The following C22orf42 variants were observed in gnomAD, a reference collection of about 807,000 sequenced individuals.
C22orf42 encodes uncharacterized protein C22orf42.
In C22orf42, 24 loss-of-function variants were observed where a neutral mutation model predicts 31.4. The ratio of observed to expected loss-of-function variants is 0.77; its 90% CI spans 0.55 to 1.08. The LOEUF (loss-of-function observed/expected upper bound fraction) is 1.08. C22orf42 is among the 50% of genes least tolerant of loss of function. The probability of loss-of-function intolerance (pLI) is 0.00; values close to 1 mark genes in which losing one functional copy is unlikely to be tolerated. For synonymous variants in C22orf42, 96 were observed against 112.7 expected (o/e 0.85, Z 0.94); for missense variants, 276 against 327.3 (o/e 0.84, Z 1.21).
In C22orf42 at chr22:32,150,479, T is replaced by C. The variant is rs557771058; in HGVS notation, c.494A>G (p.His165Arg). The C allele has an allele frequency of 1.2e-5, 20 of 1,613,972 alleles. No homozygotes were observed. The South Asian group carries it at 2.2e-4, about 18-fold the overall frequency. Residue 165 changes from histidine to arginine, a missense_variant and splice_region_variant, in exon 7 of 9, where the codon CAT (histidine) becomes CGT (arginine). Transcript: ENST00000382097. ...GCTTTCACTGAGATCTTCGACCAAA[T>C]CTAGGAGAACATAGTGACAGTCAGT... ...IEISEAKHDH[H>R]LVEDLSESLS...
upstream of C22orf42, chr22:32,159,532 A>G (rs1480699949): frequency 8.4e-7 from 1 of 1,195,200 alleles, no homozygotes; most frequent in East Asian, 4.7e-5. Context: ...TCCTGAGAAA[A>G]GTGCAGGGGT....
chr22:32,159,928 T>A (rs958281993), upstream of C22orf42: 1 of 152,252 alleles, frequency 6.6e-6, no homozygotes, highest in African/African-American at 2.4e-5. Flanking sequence ...TCTGTTTCTT[T>A]CTTCCATGGC....
chr22:32,152,333 G>A (rs1240733422), intron 3 of C22orf42, among the ~76,000 whole-genome samples: 1 of 152,142 alleles, frequency 6.6e-6, no homozygotes, highest in Non-Finnish European at 1.5e-5. Context: ...AGAAAAGGTT[G>A]CTACTGAGAA....
chr22:32,154,352 G>T, intron 1 of C22orf42, 34 bp from the exon 2 acceptor site: 1 of 1,605,096 alleles, frequency 6.2e-7, no homozygotes, highest in East Asian at 2.2e-5. Context: ...ATAGATTCTA[G>T]GAAATGTATT....
At chr22:32,151,188 G>GT (rs2094112645) in intron 5 of C22orf42, among the ~76,000 whole-genome samples, 169 bp from the exon 6 acceptor site, 1 of 151,918 alleles carries the variant, frequency 6.6e-6, no homozygotes, top group Non-Finnish European at 1.5e-5. Flanking sequence ...AATGCAGTGG[G>GT]TTTTTTGGAA....
chr22:32,159,571 G>T, upstream of C22orf42: 1 of 867,644 alleles, frequency 1.2e-6, no homozygotes, highest in Non-Finnish European at 1.4e-6. Context: ...GTCACCCTGG[G>T]CAATGAACTC....
At chr22:32,153,579 C>T (rs1386356337) in intron 2 of C22orf42, among the ~76,000 whole-genome samples, 1 of 152,098 alleles carries the variant, frequency 6.6e-6, no homozygotes, top group Non-Finnish European at 1.5e-5. Flanking sequence ...AATATCTTTT[C>T]AAAAAACTAA....
intron 6 of C22orf42, chr22:32,150,717 T>C (rs1296747066): frequency 1.6e-6 from 1 of 626,712 alleles, no homozygotes; most frequent in Admixed American, 2.9e-5. Flanking sequence ...ATAGTCACCT[T>C]AAGAACCAGT....
intron 1 of C22orf42, among the ~76,000 whole-genome samples, chr22:32,157,484 C>A (rs1033573381): frequency 6.1e-5 from 9 of 146,470 alleles, no homozygotes; most frequent in East Asian, 5.8e-4. Flanking sequence ...TTTCCCAAAA[C>A]AAGTTTGTTC....
chr22:32,150,562 G>T (rs1369238517), intron 6 of C22orf42, 83 bp from the exon 7 acceptor site: 3 of 1,446,794 alleles, frequency 2.1e-6, no homozygotes, highest in South Asian at 2.3e-5. Context: ...ACCAGGGCTG[G>T]ATCATGTGCA....
At position 32,149,380 on chromosome 22, in the gene C22orf42, A is replaced by T. The variant is rs1250575531; in HGVS notation, c.*160T>A. On this transcript the variant is annotated 3_prime_UTR_variant, in exon 9 of 9. Transcript: ENST00000382097. ...TGTAAGAACACCAGGCTGCAAGAGG[A>T]CTGGCTGCAGCCACAAACTGCAGGT... The T allele has an allele frequency of 1.1e-5, 9 of 825,366 alleles. No homozygotes were observed. The highest frequency in any genetic ancestry group is 1.5e-5 in the Non-Finnish European group (9 of 619,614). 51.1% of individuals were successfully genotyped at this position (825,366 alleles called of 1,614,324 possible).
chr22:32,156,100 C>T (rs1921245936), intron 1 of C22orf42, among the ~76,000 whole-genome samples: 1 of 152,168 alleles, frequency 6.6e-6, no homozygotes, highest in African/African-American at 2.4e-5. Context: ...TCTAATGTTA[C>T]TGTTTTAATC....
In C22orf42 at chr22:32,151,497, G is replaced by A. The variant is rs72502004; in HGVS notation, c.455C>T (p.Thr152Met). 4.9e-4 allele frequency: 790 copies of A among 1,613,524 alleles called. 4 individuals are homozygous for A. In the East Asian group the frequency reaches 7.6e-3, roughly 16 times the overall value. ...SAHGGVEENI[T>M]SDIEISEAKH... ...AGAAATACATCTTACAATATCTGAC[G>A]TTATATTCTCCTCCACACCGCCGTG... Residue 152 changes from threonine to methionine, a missense_variant, in exon 5 of 9, where the codon ACG becomes ATG. Coordinates refer to ENST00000382097, the MANE Select transcript of C22orf42 (RefSeq NM_001010859.3).
At chr22:32,159,486 C>T (rs187086456), upstream of C22orf42, 52 of 1,328,546 alleles carry the variant, frequency 3.9e-5, no homozygotes, top group Non-Finnish European at 4.8e-5. Flanking sequence ...TCTGTGGTGA[C>T]TGCATTATTC....
chr22:32,152,403 A>C (rs1402501035), intron 3 of C22orf42, among the ~76,000 whole-genome samples, 159 bp downstream of exon 3: 2 of 152,222 alleles, frequency 1.3e-5, no homozygotes, highest in Non-Finnish European at 2.9e-5. Flanking sequence ...ATCGTCAATC[A>C]GGCCTCAGTT....
intron 1 of C22orf42, among the ~76,000 whole-genome samples, chr22:32,155,335 A>C (rs1213743328): frequency 1.3e-5 from 2 of 152,130 alleles, no homozygotes; most frequent in African/African-American, 4.8e-5. Flanking sequence ...GACCCATAAG[A>C]CAAACATTTA....
Position 32,152,066 on chromosome 22 carries a change from C to A in C22orf42, c.400+1G>T, listed in dbSNP as rs139618788. On this transcript the variant is annotated splice_donor_variant, in intron 4 of 8. Transcript: ENST00000382097. LOFTEE classifies it high-confidence loss of function. The stretch of plus-strand genomic sequence containing the variant: ...AAGCTGTTTAAAAAAAAAATACGTA[C>A]GGTGGTCGTGCTTGGCCTCAGGTAT... 6 of 1,603,582 alleles carry A rather than the reference C, an allele frequency of 3.7e-6. No individual in the cohort carries two copies. Among genetic ancestry groups the A allele is most frequent in the Non-Finnish European group, 5.1e-6 (6 of 1,176,958 alleles).
At position 32,149,261 on chromosome 22, in the gene C22orf42, G is replaced by A. The variant is rs2094107724; in HGVS notation, c.*279C>T. ...TGTAGAAGCTGGACCCAGCTCTTCAGATGCAGCAGATGGATTGACCCACTC... is the reference window on the plus strand; with the variant it reads ...TGTAGAAGCTGGACCCAGCTCTTCAAATGCAGCAGATGGATTGACCCACTC... On this transcript the variant is annotated 3_prime_UTR_variant, in exon 9 of 9. Coordinates refer to ENST00000382097, the MANE Select transcript of C22orf42 (RefSeq NM_001010859.3). 1 of 219,080 alleles carries A rather than the reference G, an allele frequency of 4.6e-6. No homozygotes were observed. Among genetic ancestry groups the A allele is most frequent in the Non-Finnish European group, 9.0e-6 (1 of 110,852 alleles). The allele number at this position is 219,080 out of a possible 1,614,324, so 13.6% of individuals were successfully genotyped here. A position where few individuals can be genotyped will look rare whatever the true frequency, so the allele number is the denominator to read the frequency against.
At chr22:32,154,210 T>C (rs572751124) in intron 2 of C22orf42, 34 bp downstream of exon 2, 1 of 1,607,650 alleles carries the variant, frequency 6.2e-7, no homozygotes, top group African/African-American at 1.3e-5. Flanking sequence ...AATTGTTTGC[T>C]TAAATGAACT....
Sources: allele counts gnomAD v4.1 joint callset (sites outside exome capture counted in the v4.1 genomes callset), GRCh38; gene constraint gnomAD v4.1.1; transcripts MANE v1.5; gene names NCBI Gene and HGNC (gene_info 2026-07-23, HGNC 2026-07-21).